CDH4: variants seen among roughly 807,000 people sequenced by gnomAD.
CDH4 encodes cadherin 4.
Under a neutral mutation model 86.0 loss-of-function variants are expected in CDH4, and 33 were observed. That is an observed-to-expected ratio of 0.38 (90% CI 0.29 to 0.51). CDH4 has a LOEUF of 0.51. CDH4 is among the 20% of genes least tolerant of loss of function. CDH4 has a pLI of 0.86. For synonymous variants in CDH4, 555 were observed against 549.4 expected (o/e 1.01, Z -0.14); for missense variants, 1,114 against 1,307.4 (o/e 0.85, Z 2.28).
rs182698216 is a variant in CDH4, at chr20:61,676,316, G to T, written c.170-67247G>T. Among the ~76,000 whole-genome samples the T allele has an allele frequency of 2.0e-5, 3 of 152,172 alleles. No individual in the cohort carries two copies. Among genetic ancestry groups the T allele is most frequent in the Admixed American group, 2.0e-4 (3 of 15,280 alleles). On this transcript the variant is annotated intron_variant, in intron 2 of 15. Transcript: ENST00000614565. This position sits in a 1 kb window ranked among gnomAD's most constrained non-coding sequence, Gnocchi z 4.5. ...ACTCAGGTTAGGAAATGAATAGTGC[G>T]ATTGAATACTGCGGCCCCCAGAGGA...
chr20:61,565,234 TGGTGGTGGC>T (rs1408513287), intron 2 of CDH4, among the ~76,000 whole-genome samples: 4 of 53,214 alleles, frequency 7.5e-5, no homozygotes, highest in South Asian at 8.4e-4. Flanking sequence ...GTGGTGGTGG[TGGTGGTGGC>T]GGTGCTCTTG....
intron 5 of CDH4, among the ~76,000 whole-genome samples, chr20:61,846,395 C>T (rs1274910098): frequency 1.3e-5 from 2 of 152,186 alleles, no homozygotes; most frequent in Non-Finnish European, 2.9e-5. Context: ...GCTCCCAAAA[C>T]GGGCTTTGGG....
chr20:61,445,077 C>T (rs2085340943), intron 2 of CDH4, among the ~76,000 whole-genome samples: 1 of 152,150 alleles, frequency 6.6e-6, no homozygotes, highest in Non-Finnish European at 1.5e-5. Flanking sequence ...CCCTTCCCAT[C>T]TTGGTGCTTG....
chr20:61,296,390 G>A (rs2084355008), intron 2 of CDH4, among the ~76,000 whole-genome samples: 1 of 151,842 alleles, frequency 6.6e-6, no homozygotes, highest in Non-Finnish European at 1.5e-5. Flanking sequence ...CAGCACTGCA[G>A]GCCACGGGCC....
chr20:61,353,259 G>A (rs183927612), intron 2 of CDH4, among the ~76,000 whole-genome samples: 1 of 128,254 alleles, frequency 7.8e-6, no homozygotes, highest in East Asian at 2.3e-4. Flanking sequence ...TGTGAATGGG[G>A]ATCTGGGGGT....
chr20:61,433,661 G>A (rs555323354), intron 2 of CDH4, among the ~76,000 whole-genome samples: 7 of 152,188 alleles, frequency 4.6e-5, no homozygotes, highest in Non-Finnish European at 7.3e-5. Context: ...CCAGCAAGCC[G>A]GGCTAGAGGG....
At chr20:61,596,922 A>T (rs1282589820) in intron 2 of CDH4, among the ~76,000 whole-genome samples, 1 of 152,160 alleles carries the variant, frequency 6.6e-6, no homozygotes, top group Non-Finnish European at 1.5e-5. Flanking sequence ...AAACACATTG[A>T]CTCACAGAAG....
At chr20:61,662,548 C>A (rs1051179831) in intron 2 of CDH4, among the ~76,000 whole-genome samples, 4 of 152,148 alleles carry the variant, frequency 2.6e-5, no homozygotes, top group Admixed American at 6.5e-5. Flanking sequence ...GGGCACAGGA[C>A]GAGCACACAG....
intron 2 of CDH4, among the ~76,000 whole-genome samples, chr20:61,722,190 T>TG (rs1409987592): frequency 2.3e-5 from 3 of 132,390 alleles, no homozygotes; most frequent in Non-Finnish European, 5.3e-5. Flanking sequence ...GGACCTGCTT[T>TG]GGGGTTTTTT....
At chr20:61,596,687 G>T (rs929666468) in intron 2 of CDH4, among the ~76,000 whole-genome samples, 2 of 152,174 alleles carry the variant, frequency 1.3e-5, no homozygotes, top group Non-Finnish European at 2.9e-5. Flanking sequence ...AACAGATGAG[G>T]TCCTGGAAAT....
intron 2 of CDH4, among the ~76,000 whole-genome samples, chr20:61,443,893 T>G (rs1480917114): frequency 6.6e-6 from 1 of 152,002 alleles, no homozygotes; most frequent in Non-Finnish European, 1.5e-5. Context: ...TCTGTGTATG[T>G]GTCTGTGTGT....
chr20:61,584,810 T>G (rs2086457206), intron 2 of CDH4, among the ~76,000 whole-genome samples: 1 of 152,170 alleles, frequency 6.6e-6, no homozygotes, highest in Non-Finnish European at 1.5e-5. Flanking sequence ...GGCTGACAGC[T>G]GCGAGGCTAA....
intron 2 of CDH4, among the ~76,000 whole-genome samples, chr20:61,512,419 C>T (rs1445704445): frequency 6.6e-6 from 1 of 152,180 alleles, no homozygotes; most frequent in Non-Finnish European, 1.5e-5. Context: ...TCGCCCATTT[C>T]CACTTCATAA....
intron 2 of CDH4, among the ~76,000 whole-genome samples, chr20:61,622,297 C>T (rs1349823604): frequency 3.9e-5 from 6 of 152,236 alleles, no homozygotes; most frequent in South Asian, 4.1e-4. Flanking sequence ...GTTTTATGCA[C>T]GGGGGCCACC....
chr20:61,453,363 G>A (rs1444346828), intron 2 of CDH4, among the ~76,000 whole-genome samples: 7 of 152,164 alleles, frequency 4.6e-5, no homozygotes, highest in Non-Finnish European at 7.3e-5. Context: ...CAGCAGAGAC[G>A]TCAGGGCTGA....
At chr20:61,765,196 G>T (rs1245077730) in intron 3 of CDH4, among the ~76,000 whole-genome samples, 1 of 152,136 alleles carries the variant, frequency 6.6e-6, no homozygotes, top group East Asian at 1.9e-4. Context: ...AAGTTCATCT[G>T]CTGCCACTCC....
chr20:61,816,348 TAGC>T (rs1980713087), intron 4 of CDH4, among the ~76,000 whole-genome samples: 1 of 152,234 alleles, frequency 6.6e-6, no homozygotes, highest in African/African-American at 2.4e-5. Flanking sequence ...GCCATTCTGG[TAGC>T]AGAGTTCAGC....
chr20:61,384,446 A>C (rs6061594), intron 2 of CDH4, among the ~76,000 whole-genome samples: 37,447 of 152,048 alleles, frequency 0.25, 4,998 homozygotes, highest in African/African-American at 0.34. Flanking sequence ...GTGCTTCCAC[A>C]GCGTGGTCTG....
chr20:61,461,573 C>T (rs1381509014), intron 2 of CDH4, among the ~76,000 whole-genome samples: 1 of 152,108 alleles, frequency 6.6e-6, no homozygotes, highest in Non-Finnish European at 1.5e-5. Context: ...GCACGGATGC[C>T]TGGGAAATGC....
Sources: allele counts gnomAD v4.1 joint callset (sites outside exome capture counted in the v4.1 genomes callset), GRCh38; gene constraint gnomAD v4.1.1; non-coding constraint Gnocchi (gnomAD v3.1); transcripts MANE v1.5; gene names NCBI Gene and HGNC (gene_info 2026-07-23, HGNC 2026-07-21).